The following HMGCLL1 variants were observed in gnomAD, a reference collection of about 807,000 sequenced individuals.
HMGCLL1 encodes 3-hydroxy-3-methylglutaryl-CoA lyase like 1, also known as 3-hydroxymethyl-3-methylglutaryl-CoA lyase, cytoplasmic.
HMGCLL1 carries 36 observed loss-of-function variants against 39.1 expected under a neutral mutation model. That is an observed-to-expected ratio of 0.92 (90% confidence interval 0.71 to 1.22). The LOEUF is 1.22. Ranked by LOEUF, HMGCLL1 falls within the 50% of genes most tolerant of loss-of-function variation. The pLI is 0.00. For synonymous variants in HMGCLL1, 149 were observed against 144.0 expected, an observed-to-expected ratio of 1.03 and a Z score of -0.25; for missense variants, 451 against 416.5, an observed-to-expected ratio of 1.08 and a Z score of -0.72.
the HMGCLL1 span, among the ~76,000 whole-genome samples, chr6:55,622,036 T>C: frequency 6.6e-6 from 1 of 152,124 alleles, no homozygotes; most frequent in Non-Finnish European, 1.5e-5. Context: ...TATTTGTATC[T>C]ATTAAAGTGG....
At chr6:55,594,481 C>T in the HMGCLL1 span, among the ~76,000 whole-genome samples, 1 of 152,210 alleles carries the variant, frequency 6.6e-6, no homozygotes, top group Admixed American at 6.5e-5. Context: ...GCCACAATCT[C>T]TTCTTGAGTG....
the HMGCLL1 span, among the ~76,000 whole-genome samples, chr6:55,647,727 T>A: frequency 1.4e-5 from 2 of 145,942 alleles, no homozygotes; most frequent in Non-Finnish European, 3.0e-5. Context: ...TAGTTTCTCT[T>A]CATGTCTTTT....
the HMGCLL1 span, among the ~76,000 whole-genome samples, chr6:55,625,055 T>C: frequency 2.4e-3 from 366 of 152,242 alleles, 2 homozygotes; most frequent in African/African-American, 8.5e-3. Context: ...ATAGGGATGC[T>C]GTTTGGAGCC....
intron 7 of HMGCLL1, among the ~76,000 whole-genome samples, chr6:55,476,945 C>T (rs1341551875): frequency 9.0e-6 from 1 of 110,872 alleles, no homozygotes; most frequent in African/African-American, 3.0e-5. Flanking sequence ...AACAGCTGCT[C>T]TTAAATCAAA....
chr6:55,559,107 A>T (rs1052430163), intron 1 of HMGCLL1, among the ~76,000 whole-genome samples: 1 of 152,264 alleles, frequency 6.6e-6, no homozygotes, highest in Non-Finnish European at 1.5e-5. Flanking sequence ...GTCTAAAGAG[A>T]CAGATAAGCA....
upstream of HMGCLL1, chr6:55,579,293 C>G (rs190417860): frequency 2.6e-5 from 15 of 581,894 alleles, no homozygotes; most frequent in African/African-American, 2.2e-4. Flanking sequence ...ACAGAAATGC[C>G]GAGCACCTGA....
intron 7 of HMGCLL1, among the ~76,000 whole-genome samples, chr6:55,479,687 A>G (rs1290467453): frequency 1.3e-5 from 2 of 151,726 alleles, no homozygotes; most frequent in Non-Finnish European, 2.9e-5. Context: ...TTTAGAATGA[A>G]AAAAGAAAAC....
chr6:55,436,058 C>A (rs1403682328), intron 8 of HMGCLL1, among the ~76,000 whole-genome samples: 3 of 151,292 alleles, frequency 2.0e-5, no homozygotes, highest in African/African-American at 7.3e-5. Context: ...CTAGGAAGGA[C>A]AATAATGGAA....
chr6:55,520,540 A>G (rs1767985492), intron 3 of HMGCLL1, among the ~76,000 whole-genome samples: 1 of 151,962 alleles, frequency 6.6e-6, no homozygotes, highest in African/African-American at 2.4e-5. Flanking sequence ...GTATCATTTT[A>G]TTCCAATGAA....
chr6:55,458,432 T>C (rs1764420675), intron 7 of HMGCLL1, among the ~76,000 whole-genome samples: 3 of 152,144 alleles, frequency 2.0e-5, no homozygotes, highest in Admixed American at 2.0e-4. Flanking sequence ...TAAAAATCAC[T>C]CTCCCAAAAG....
At chr6:55,475,485 G>A (rs1365944840) in intron 7 of HMGCLL1, among the ~76,000 whole-genome samples, 1 of 151,594 alleles carries the variant, frequency 6.6e-6, no homozygotes, top group African/African-American at 2.4e-5. Context: ...TTTCAGGGCA[G>A]AAGTTTGCTC....
At chr6:55,538,055 G>A (rs1297336399) in intron 3 of HMGCLL1, among the ~76,000 whole-genome samples, 1 of 151,874 alleles carries the variant, frequency 6.6e-6, no homozygotes, top group Non-Finnish European at 1.5e-5. Context: ...AAGAAGTGTA[G>A]CCTTCTAAAA....
chr6:55,592,208 A>T, the HMGCLL1 span, among the ~76,000 whole-genome samples: 1 of 151,978 alleles, frequency 6.6e-6, no homozygotes. Context: ...TTAGGAAGAC[A>T]TTCCTCTAGT....
chr6:55,442,860 G>A (rs902350668), intron 7 of HMGCLL1, among the ~76,000 whole-genome samples: 1 of 152,124 alleles, frequency 6.6e-6, no homozygotes, highest in African/African-American at 2.4e-5. Flanking sequence ...TCAGTACTTG[G>A]AAAAGACAAA....
At chr6:55,453,174 G>A (rs2127390336) in intron 7 of HMGCLL1, among the ~76,000 whole-genome samples, 1 of 152,118 alleles carries the variant, frequency 6.6e-6, no homozygotes, top group Admixed American at 6.5e-5. Context: ...GTTGTTGTTT[G>A]TTGTTGGTTT....
intron 3 of HMGCLL1, among the ~76,000 whole-genome samples, chr6:55,530,817 G>A (rs73746363): frequency 0.036 from 5,515 of 152,068 alleles, 336 homozygotes; most frequent in African/African-American, 0.13. Flanking sequence ...AGATCAATCC[G>A]TGTGTACCTA....
chr6:55,595,200 C>T, the HMGCLL1 span, among the ~76,000 whole-genome samples: 3 of 152,158 alleles, frequency 2.0e-5, no homozygotes, highest in African/African-American at 7.2e-5. Context: ...GAATCACAAT[C>T]ATTTTATGAA....
the HMGCLL1 span, among the ~76,000 whole-genome samples, chr6:55,622,995 G>A: frequency 6.6e-6 from 1 of 151,976 alleles, no homozygotes; most frequent in Non-Finnish European, 1.5e-5. Flanking sequence ...TTGGTAGGTT[G>A]TATATGTCTA....
intron 7 of HMGCLL1, among the ~76,000 whole-genome samples, chr6:55,457,520 GC>G (rs1367089021): frequency 1.3e-5 from 2 of 152,098 alleles, no homozygotes; most frequent in African/African-American, 4.8e-5. Flanking sequence ...AGTTATTAAA[GC>G]CAAGAAAAGG....
Sources: gnomAD v4.1 joint callset for allele counts (sites outside exome capture counted in the v4.1 genomes callset) on GRCh38, gnomAD v4.1.1 for gene constraint, MANE v1.5 for transcripts, NCBI Gene and HGNC (gene_info 2026-07-23, HGNC 2026-07-21) for gene names.